The following USP34 variants were observed in gnomAD, a reference collection of about 807,000 sequenced individuals.
The protein encoded by USP34 is ubiquitin specific peptidase 34.
A neutral mutation model predicts 460.3 loss-of-function variants in USP34; 70 were observed. That is an observed-to-expected ratio of 0.15 (90% confidence interval 0.13 to 0.19). USP34 has a LOEUF of 0.19. Among genes scored for constraint, USP34 ranks in the 10% least tolerant of loss-of-function variants. USP34 has a pLI of 1.00. For synonymous variants in USP34, 1,647 were observed against 1,405.3 expected (o/e 1.17, Z -3.85); for missense variants, 3,985 against 4,236.2 (o/e 0.94, Z 1.65).
intron 43 of USP34, among the ~76,000 whole-genome samples, chr2:61,262,132 TAG>T (rs375620506): frequency 0.18 from 19,740 of 111,114 alleles, 1,891 homozygotes; most frequent in South Asian, 0.24. Context: ...TATATATATA[TAG>T]ATAGATAGAT....
chr2:61,195,680 C>CA (rs767560610), intron 75 of USP34, among the ~76,000 whole-genome samples: 22 of 151,812 alleles, frequency 1.4e-4, no homozygotes, highest in Non-Finnish European at 2.9e-4. Flanking sequence ...TCAAACAAAA[C>CA]AAAAAAACCA....
chr2:61,328,062 G>A lies in USP34; in HGVS notation c.2931-2605C>T, dbSNP rs966538281. 2.6e-5 allele frequency among the ~76,000 whole-genome samples: 4 copies of A among 152,126 alleles called. No individual in the cohort carries two copies. The South Asian group carries it at 6.2e-4, about 24-fold the overall frequency. On this transcript the variant is annotated intron_variant, in intron 20 of 79. Transcript: ENST00000398571. ...CTGTAATCCTAGCACTTTGGGAGGC[G>A]GAGGCGGAGGCGGGTGGATCGCCTG...
At chr2:61,364,883 T>A (rs1172981680) in intron 10 of USP34, among the ~76,000 whole-genome samples, 1 of 152,024 alleles carries the variant, frequency 6.6e-6, no homozygotes, top group Non-Finnish European at 1.5e-5. Context: ...TGAGCCAAGA[T>A]CGTACCACTG....
chr2:61,269,847 T>A (rs988446561), intron 41 of USP34, among the ~76,000 whole-genome samples: 2 of 152,080 alleles, frequency 1.3e-5, no homozygotes, highest in Non-Finnish European at 2.9e-5. Context: ...ATAAATACAA[T>A]GTGTAATGAT....
chr2:61,452,661 G>A (rs1254361947), intron 1 of USP34, among the ~76,000 whole-genome samples: 1 of 151,444 alleles, frequency 6.6e-6, no homozygotes, highest in Non-Finnish European at 1.5e-5. Flanking sequence ...AGACAGGAGG[G>A]TTACTTGAAA....
At chr2:61,390,199 C>T (rs1000132197) in intron 5 of USP34, among the ~76,000 whole-genome samples, 13 of 152,288 alleles carry the variant, frequency 8.5e-5, no homozygotes, top group Non-Finnish European at 1.2e-4. Flanking sequence ...CTTCTTTCTA[C>T]TCCATAATAA....
Position 61,339,687 on chromosome 2 carries a change from G to GAA in USP34, c.2501-7_2501-6insTT. 1 of 1,257,064 alleles carries GAA rather than the reference G, an allele frequency of 8.0e-7. No homozygotes were observed. Among genetic ancestry groups the GAA allele is most frequent in the Non-Finnish European group, 1.0e-6 (1 of 961,292 alleles). 77.9% of individuals were successfully genotyped at this position (1,257,064 alleles called of 1,614,324 possible). A position where few individuals can be genotyped will look rare whatever the true frequency, so the allele number is the denominator to read the frequency against. ...ATGTTTATGAACTACAGGTCCTGAA[G>GAA]AGAAAAAAAAAAAAAAGACACACTA... On this transcript the variant is annotated splice_region_variant and splice_polypyrimidine_tract_variant and intron_variant, in intron 16 of 79. Transcript: ENST00000398571.
At chr2:61,232,202 G>T (rs1190778343) in intron 58 of USP34, among the ~76,000 whole-genome samples, 1 of 152,072 alleles carries the variant, frequency 6.6e-6, no homozygotes, top group East Asian at 1.9e-4. Flanking sequence ...AATAATAAAA[G>T]AACAGGAAAT....
At chr2:61,205,947 A>G (rs1687106182) in intron 72 of USP34, 70 bp downstream of exon 72, 2 of 1,210,274 alleles carry the variant, frequency 1.7e-6, no homozygotes, top group African/African-American at 3.0e-5. Flanking sequence ...CAGGCTTAAC[A>G]TCACGGAAAA....
intron 10 of USP34, among the ~76,000 whole-genome samples, chr2:61,359,790 T>G (rs915466252): frequency 1.4e-5 from 2 of 145,292 alleles, no homozygotes; most frequent in East Asian, 2.0e-4. Context: ...TTTTTTTTTT[T>G]TTTTTTTTTT....
chr2:61,457,021 A>C (rs1415012605), intron 1 of USP34, among the ~76,000 whole-genome samples: 1 of 151,804 alleles, frequency 6.6e-6, no homozygotes, highest in Non-Finnish European at 1.5e-5. Context: ...CACACCTGTA[A>C]CCCCAGCACT....
Position 61,362,980 on chromosome 2 carries a change from C to G in USP34, c.1251+7341G>C, listed in dbSNP as rs79146318. On this transcript the variant is annotated intron_variant, in intron 10 of 79. Transcript: ENST00000398571. ...TTATATACCTGATTTTAAAAATTAA[C>G]ATCCAGAATATTTTTTGTAAAACTC... 2.3e-3 allele frequency among the ~76,000 whole-genome samples: 345 copies of G among 152,174 alleles called. 6 individuals carry two copies. In the East Asian group the frequency reaches 0.055, roughly 24 times the overall value.
At chr2:61,457,654 G>C (rs1470504205) in intron 1 of USP34, among the ~76,000 whole-genome samples, 1 of 152,212 alleles carries the variant, frequency 6.6e-6, no homozygotes, top group East Asian at 1.9e-4. Context: ...CTTGAGGCCA[G>C]AAGTTCAAGA....
At chr2:61,315,597 A>T (rs1232274350) in intron 23 of USP34, among the ~76,000 whole-genome samples, 1 of 151,884 alleles carries the variant, frequency 6.6e-6, no homozygotes, top group Non-Finnish European at 1.5e-5. Flanking sequence ...CTGGTCTCGA[A>T]CTCCCAACCT....
intron 43 of USP34, among the ~76,000 whole-genome samples, chr2:61,264,452 C>T (rs770958962): frequency 4.0e-5 from 6 of 151,714 alleles, no homozygotes; most frequent in African/African-American, 1.5e-4. Flanking sequence ...CTGGGCAACA[C>T]AGTGAGACCC....
intron 75 of USP34, chr2:61,193,195 G>C: frequency 2.5e-6 from 1 of 398,690 alleles, no homozygotes; most frequent in Non-Finnish European, 4.6e-6. Context: ...CCTCATTCCT[G>C]AAGGATATGG....
intron 16 of USP34, among the ~76,000 whole-genome samples, chr2:61,341,696 C>T (rs1168552173): frequency 1.3e-5 from 2 of 151,598 alleles, no homozygotes; most frequent in African/African-American, 2.4e-5. Flanking sequence ...GCACAACCTG[C>T]ACAACTGTGA....
chr2:61,255,080 T>C (rs1014835836), intron 48 of USP34, among the ~76,000 whole-genome samples: 1 of 152,216 alleles, frequency 6.6e-6, no homozygotes, highest in Admixed American at 6.5e-5. Context: ...GTGCACATCC[T>C]TGAACTCCCA....
In USP34 at chr2:61,236,691, T is replaced by C. The variant is rs1476143902; in HGVS notation, c.6778-302A>G. Reference sequence around the variant, plus strand: ...AGCAAGTATATAATTGAATGAAATATAAGTCATGTTACATTCTGATAAGGT... The same window carrying C: ...AGCAAGTATATAATTGAATGAAATACAAGTCATGTTACATTCTGATAAGGT... On this transcript the variant is annotated intron_variant, in intron 53 of 79. Transcript: ENST00000398571. Among the ~76,000 whole-genome samples, 4 of 152,320 alleles carry C rather than the reference T, an allele frequency of 2.6e-5. No homozygotes were observed. The Middle Eastern group carries it at 0.01, about 389-fold the overall frequency.
Sources: allele counts gnomAD v4.1 joint callset (sites outside exome capture counted in the v4.1 genomes callset), GRCh38; gene constraint gnomAD v4.1.1; transcripts MANE v1.5; gene names NCBI Gene and HGNC (gene_info 2026-07-23, HGNC 2026-07-21).